The following DPP10 variants were observed in gnomAD, a reference collection of about 807,000 sequenced individuals.
The protein encoded by DPP10 is inactive dipeptidyl peptidase 10.
A neutral mutation model predicts 120.9 loss-of-function variants in DPP10; 33 were observed. That is an observed-to-expected ratio of 0.27 (90% CI 0.21 to 0.37). The LOEUF (loss-of-function observed/expected upper bound fraction) is 0.37, where lower values mean the gene tolerates loss of function less well. Among genes scored for constraint, DPP10 ranks in the 10% least tolerant of loss-of-function variants. DPP10 has a pLI of 1.00. For synonymous variants in DPP10, 337 were observed against 326.1 expected (o/e 1.03, Z -0.36); for missense variants, 816 against 942.8 (o/e 0.87, Z 1.76).
At chr2:115,023,547 G>T (rs576940076) in intron 1 of DPP10, among the ~76,000 whole-genome samples, 3 of 152,154 alleles carry the variant, frequency 2.0e-5, no homozygotes, top group South Asian at 4.2e-4. Context: ...CTGTCGGTGG[G>T]AATGCAAACT....
intron 1 of DPP10, among the ~76,000 whole-genome samples, chr2:114,702,380 T>C (rs982125096): frequency 4.6e-5 from 7 of 152,034 alleles, no homozygotes; most frequent in African/African-American, 1.4e-4. Flanking sequence ...CTTGATGTTG[T>C]TGGGAGAGCA....
chr2:115,462,509 A>ACT (rs1194677436), intron 3 of DPP10, among the ~76,000 whole-genome samples: 1 of 152,162 alleles, frequency 6.6e-6, no homozygotes, highest in African/African-American at 2.4e-5. Flanking sequence ...ATGGTATGAC[A>ACT]TGGAGGACAA....
chr2:115,826,098 C>T (rs1444938711), intron 21 of DPP10, among the ~76,000 whole-genome samples: 2 of 152,100 alleles, frequency 1.3e-5, no homozygotes, highest in Non-Finnish European at 2.9e-5. Flanking sequence ...TTGAAACTGG[C>T]CTGTTTGGGA....
intron 1 of DPP10, among the ~76,000 whole-genome samples, chr2:114,556,948 G>C (rs946126192): frequency 6.6e-6 from 1 of 151,594 alleles, no homozygotes; most frequent in African/African-American, 2.4e-5. Context: ...AACTGGAGTG[G>C]GGTGAGGAGA....
intron 1 of DPP10, among the ~76,000 whole-genome samples, chr2:114,478,700 C>A (rs1360445499): frequency 1.3e-5 from 2 of 152,062 alleles, no homozygotes; most frequent in Non-Finnish European, 2.9e-5. Flanking sequence ...TACAAAAAAA[C>A]TTACATAACA....
chr2:115,038,593 A>G (rs1438335315), intron 1 of DPP10, among the ~76,000 whole-genome samples: 1 of 152,106 alleles, frequency 6.6e-6, no homozygotes, highest in Non-Finnish European at 1.5e-5. Flanking sequence ...CATATTTATT[A>G]GGCTTCTTCT....
chr2:115,445,586 C>T (rs2072504333), intron 3 of DPP10, among the ~76,000 whole-genome samples: 1 of 152,030 alleles, frequency 6.6e-6, no homozygotes, highest in Non-Finnish European at 1.5e-5. Flanking sequence ...TTGTCCCTGC[C>T]CTAGAGATCT....
At chr2:114,576,238 A>G (rs1311959969) in intron 1 of DPP10, among the ~76,000 whole-genome samples, 1 of 152,256 alleles carries the variant, frequency 6.6e-6, no homozygotes, top group Non-Finnish European at 1.5e-5. Context: ...GGGAAGAGTT[A>G]GAGGATAATT....
intron 1 of DPP10, among the ~76,000 whole-genome samples, chr2:115,019,441 T>C (rs1026441042): frequency 6.6e-6 from 1 of 152,032 alleles, no homozygotes; most frequent in Non-Finnish European, 1.5e-5. Flanking sequence ...AAGACAAGCC[T>C]TTTGAATTAA....
intron 3 of DPP10, among the ~76,000 whole-genome samples, chr2:115,409,889 A>G (rs1574751658): frequency 6.6e-6 from 1 of 152,242 alleles, no homozygotes; most frequent in South Asian, 2.1e-4. Context: ...GAAGACCACT[A>G]TTCTAAGTGA....
intron 7 of DPP10, among the ~76,000 whole-genome samples, chr2:115,709,872 A>T (rs2092261110): frequency 6.6e-6 from 1 of 152,096 alleles, no homozygotes; most frequent in Non-Finnish European, 1.5e-5. Context: ...AAATATCTGA[A>T]AAAAATGATA....
At chr2:114,804,142 C>A (rs1045779382) in intron 1 of DPP10, among the ~76,000 whole-genome samples, 1 of 152,208 alleles carries the variant, frequency 6.6e-6, no homozygotes, top group African/African-American at 2.4e-5. Context: ...GTGGAAGCCC[C>A]AAGCCTTGGC....
At chr2:115,052,687 C>T (rs903210220) in intron 1 of DPP10, among the ~76,000 whole-genome samples, 2 of 152,132 alleles carry the variant, frequency 1.3e-5, no homozygotes, top group Non-Finnish European at 2.9e-5. Flanking sequence ...CGTGGTGGCT[C>T]ACACCTATAA....
intron 1 of DPP10, among the ~76,000 whole-genome samples, chr2:114,670,915 TCA>T (rs1698293271): frequency 6.6e-6 from 1 of 152,142 alleles, no homozygotes; most frequent in Non-Finnish European, 1.5e-5. Context: ...ATAATAATTA[TCA>T]CACATATCAT....
At chr2:114,887,109 A>G (rs561469585) in intron 1 of DPP10, among the ~76,000 whole-genome samples, 6 of 152,282 alleles carry the variant, frequency 3.9e-5, no homozygotes, top group Admixed American at 3.9e-4. Flanking sequence ...CAAGGCACAG[A>G]TTCCCCAGGC....
intron 1 of DPP10, among the ~76,000 whole-genome samples, chr2:115,105,310 C>T (rs901540182): frequency 1.3e-5 from 2 of 152,122 alleles, no homozygotes; most frequent in African/African-American, 2.4e-5. Flanking sequence ...TTATTTGGCT[C>T]ATGGTTCTGC....
At chr2:115,397,290 T>C (rs1422789825) in intron 3 of DPP10, among the ~76,000 whole-genome samples, 1 of 152,206 alleles carries the variant, frequency 6.6e-6, no homozygotes, top group African/African-American at 2.4e-5. Context: ...ATAAACTCAC[T>C]GTGAACAAAT....
At chr2:115,607,938 G>A (rs769565602) in intron 5 of DPP10, among the ~76,000 whole-genome samples, 8 of 152,112 alleles carry the variant, frequency 5.3e-5, no homozygotes, top group Non-Finnish European at 1.2e-4. Flanking sequence ...ATCATATGTT[G>A]TAACTATTCT....
intron 1 of DPP10, among the ~76,000 whole-genome samples, chr2:114,737,181 AGTT>A (rs1677526992): frequency 6.6e-6 from 1 of 152,184 alleles, no homozygotes; most frequent in Non-Finnish European, 1.5e-5. Context: ...GCTGGATATT[AGTT>A]GTTATGTGCT....
Sources: gnomAD v4.1 joint callset for allele counts (sites outside exome capture counted in the v4.1 genomes callset) on GRCh38, gnomAD v4.1.1 for gene constraint, MANE v1.5 for transcripts, NCBI Gene and HGNC (gene_info 2026-07-23, HGNC 2026-07-21) for gene names.